Variants in FBLN7 observed in about 807,000 individuals in gnomAD.
FBLN7 encodes fibulin 7, also known as fibulin-7.
FBLN7 carries 31 observed loss-of-function variants against 44.0 expected under a neutral mutation model. That is an observed-to-expected ratio of 0.70 (90% CI 0.53 to 0.95). The LOEUF is 0.95. Among genes scored for constraint, FBLN7 ranks in the 40% least tolerant of loss-of-function variants. The probability of loss-of-function intolerance (pLI) is 0.00; values close to 1 mark genes in which losing one functional copy is unlikely to be tolerated. For missense variants in FBLN7, 573 were observed against 618.5 expected (o/e 0.93, Z 0.78); for synonymous variants, 262 against 253.4 (o/e 1.03, Z -0.32).
rs147527253 is a variant in FBLN7 at position 112,161,827 on chromosome 2, T to C, written c.235+1992T>C. Among the ~76,000 whole-genome samples, 870 of 152,338 alleles carry C rather than the reference T, an allele frequency of 5.7e-3. 2 individuals carry two copies. The highest frequency in any genetic ancestry group is 9.9e-3 in the Non-Finnish European group (674 of 68,026). On this transcript the variant is annotated intron_variant, in intron 2 of 7. Transcript: ENST00000331203. ...TTCTCTTTTTAAAAAATCGCCATCATGTATTGTATTTCTAAGTGTGTGGGG... is the reference window on the plus strand; with the variant it reads ...TTCTCTTTTTAAAAAATCGCCATCACGTATTGTATTTCTAAGTGTGTGGGG...
intron 4 of FBLN7, among the ~76,000 whole-genome samples, chr2:112,180,229 G>T (rs1226882005): frequency 6.6e-6 from 1 of 151,830 alleles, no homozygotes; most frequent in Non-Finnish European, 1.5e-5. Context: ...ACAAGCATAT[G>T]GAAAAAAAAG....
downstream of FBLN7, among the ~76,000 whole-genome samples, chr2:112,191,132 A>ATG (rs1683474721): frequency 6.6e-6 from 1 of 152,056 alleles, no homozygotes; most frequent in African/African-American, 2.4e-5. Context: ...CCATGCCATT[A>ATG]TGCCCAGCAA....
In FBLN7 at chr2:112,145,948, C is replaced by T. The variant is rs61229236; in HGVS notation, c.75+7218C>T. On this transcript the variant is annotated intron_variant, in intron 1 of 7. Coordinates refer to ENST00000331203, the MANE Select transcript of FBLN7 (RefSeq NM_153214.3). ...AAGTGGGTCCTCCAACTTTATTATT[C>T]CTTTTCAAAATCCCTTTGGCTATTC... 3.8e-3 allele frequency among the ~76,000 whole-genome samples: 581 copies of T among 152,320 alleles called. 4 individuals carry two copies. Among genetic ancestry groups the T allele is most frequent in the African/African-American group, 0.013 (531 of 41,570 alleles).
At chr2:112,179,692 A>T (rs1191564676) in intron 4 of FBLN7, among the ~76,000 whole-genome samples, 1 of 152,232 alleles carries the variant, frequency 6.6e-6, no homozygotes, top group African/African-American at 2.4e-5. Flanking sequence ...AAGGCCACAC[A>T]TCTATGACCA....
In FBLN7 at chr2:112,138,524, C is replaced by G. The variant is rs559954773; in HGVS notation, c.-132C>G. The G allele has an allele frequency of 2.4e-3, 3,219 of 1,336,706 alleles. 10 individuals are homozygous for G. The highest frequency in any genetic ancestry group is 2.2e-3 in the Non-Finnish European group (2,161 of 986,378). The allele number at this position is 1,336,706 out of a possible 1,614,324, so 82.8% of individuals were successfully genotyped here. A position where few individuals can be genotyped will look rare whatever the true frequency, so the allele number is the denominator to read the frequency against. ...TGCGCTCGGGGCCTCCCGCCTCCCC[C>G]CCTGCCCCAGCCGCCCCCCGGCCGC... On this transcript the variant is annotated 5_prime_UTR_variant, in exon 1 of 8. Transcript: ENST00000331203.
At chr2:112,158,183 C>T (rs1031214620) in intron 1 of FBLN7, among the ~76,000 whole-genome samples, 2 of 152,190 alleles carry the variant, frequency 1.3e-5, no homozygotes, top group African/African-American at 4.8e-5. Context: ...AGGCGTGAGC[C>T]ACCGTGCCCA....
chr2:112,196,369 TTCTTC>T, the FBLN7 span, among the ~76,000 whole-genome samples: 1 of 133,572 alleles, frequency 7.5e-6, no homozygotes, highest in South Asian at 2.4e-4. Flanking sequence ...TTTCTTCTTC[TTCTTC>T]TTTTTTTTTT....
intron 3 of FBLN7, among the ~76,000 whole-genome samples, chr2:112,167,490 C>T (rs1487157928): frequency 1.3e-5 from 2 of 152,136 alleles, no homozygotes; most frequent in East Asian, 1.9e-4. Context: ...TGCCTCGCTG[C>T]AGCAGGACCC....
chr2:112,220,325 C>G, the FBLN7 span, among the ~76,000 whole-genome samples: 1 of 152,150 alleles, frequency 6.6e-6, no homozygotes, highest in Non-Finnish European at 1.5e-5. Context: ...CCCTTCAGGA[C>G]CTCTTGTAAG....
chr2:112,198,644 AAAGAAAGAAAG>A, the FBLN7 span, among the ~76,000 whole-genome samples: 1 of 43,498 alleles, frequency 2.3e-5, no homozygotes, highest in Non-Finnish European at 4.0e-5. Context: ...AAAAAAAAAG[AAAGAAAGAAAG>A]AAAGAAAGAA....
chr2:112,178,042 AC>A (rs1259499083), intron 4 of FBLN7: 1 of 151,556 alleles, frequency 6.6e-6, no homozygotes, highest in Non-Finnish European at 1.5e-5. Flanking sequence ...GGTGACGTGC[AC>A]CTGTAATTCC....
In FBLN7 at chr2:112,182,820, G is replaced by C. The variant is rs766836093; in HGVS notation, c.700G>C (p.Glu234Gln). Residue 234 changes from glutamate (E) to glutamine (Q), a missense_variant, in exon 6 of 8, where the codon GAG becomes CAG. Glu to Gln is a conservative substitution (Grantham distance 29). Transcript: ENST00000331203. ...DVNECELYGQEGRPRLCMHAC... is the reference protein window; with the variant it reads ...DVNECELYGQQGRPRLCMHAC... ...GAACGAGTGTGAGCTCTACGGGCAG[G>C]AGGGGCGCCCCCGGCTCTGCATGCA... 1 of 1,610,392 alleles carries C rather than the reference G, an allele frequency of 6.2e-7. No homozygotes were observed. The highest frequency in any genetic ancestry group is 8.5e-7 in the Non-Finnish European group (1 of 1,178,772).
intron 4 of FBLN7, among the ~76,000 whole-genome samples, chr2:112,181,349 G>T (rs1403015842): frequency 1.3e-5 from 2 of 151,896 alleles, no homozygotes; most frequent in South Asian, 2.1e-4. Context: ...ATAAAATAAA[G>T]AATACACACA....
the FBLN7 span, among the ~76,000 whole-genome samples, chr2:112,226,023 A>C: frequency 6.6e-6 from 1 of 152,014 alleles, no homozygotes; most frequent in African/African-American, 2.4e-5. Context: ...TAGAGGTTGC[A>C]GTGAGTTGAG....
In FBLN7 at chr2:112,138,566, T is replaced by C; in HGVS notation, c.-90T>C. 1 of 1,379,138 alleles carries C rather than the reference T, an allele frequency of 7.3e-7. No homozygotes were observed. Among genetic ancestry groups the C allele is most frequent in the Non-Finnish European group, 9.8e-7 (1 of 1,022,790 alleles). 85.4% of individuals were successfully genotyped at this position (1,379,138 alleles called of 1,614,324 possible). ...CCCGGCCGCGCGGCGCCCCGCACCC[T>C]GCAGGGACGGCTGCCGCATCGCTGG... On this transcript the variant is annotated 5_prime_UTR_variant, in exon 1 of 8. Coordinates refer to ENST00000331203, the MANE Select transcript of FBLN7 (RefSeq NM_153214.3).
At chr2:112,178,904 G>GGCAAAAGTTGAAA in intron 4 of FBLN7, among the ~76,000 whole-genome samples, 1 of 151,904 alleles carries the variant, frequency 6.6e-6, no homozygotes, top group East Asian at 1.9e-4. Context: ...GTACGGAATG[G>GGCAAAAGTTGAAA]GCATTCTCCT....
At chr2:112,150,680 G>T (rs1681115952) in intron 1 of FBLN7, among the ~76,000 whole-genome samples, 1 of 152,132 alleles carries the variant, frequency 6.6e-6, no homozygotes, top group African/African-American at 2.4e-5. Context: ...CTGATCTGGG[G>T]CAAGTTCCTG....
chr2:112,139,985 C>T (rs536066845), intron 1 of FBLN7, among the ~76,000 whole-genome samples: 97 of 72,012 alleles, frequency 1.3e-3, no homozygotes, highest in Non-Finnish European at 1.5e-3. Context: ...TCTCTCCAGG[C>T]CAGCGTCCCT....
the FBLN7 span, among the ~76,000 whole-genome samples, chr2:112,234,985 T>A: frequency 1.8e-4 from 27 of 151,938 alleles, no homozygotes; most frequent in South Asian, 2.1e-4. Context: ...TCAGCTCAAA[T>A]TAACACACGC....
Sources: allele counts gnomAD v4.1 joint callset (sites outside exome capture counted in the v4.1 genomes callset), GRCh38; gene constraint gnomAD v4.1.1; transcripts MANE v1.5; gene names NCBI Gene and HGNC (gene_info 2026-07-23, HGNC 2026-07-21).